Variants in PROC observed in about 807,000 individuals in gnomAD.
PROC encodes the protein vitamin K-dependent protein C.
Under a neutral mutation model 36.3 loss-of-function variants are expected in PROC, and 22 were observed. That is an observed-to-expected ratio of 0.61 (90% CI 0.43 to 0.86). PROC has a LOEUF of 0.86. Among genes scored for constraint, PROC ranks in the 40% least tolerant of loss-of-function variants. The probability of loss-of-function intolerance (pLI) is 0.00; values close to 1 mark genes in which losing one functional copy is unlikely to be tolerated. For missense variants in PROC, 526 were observed against 629.7 expected, an observed-to-expected ratio of 0.84 and a Z score of 1.76; for synonymous variants, 218 against 244.5, an observed-to-expected ratio of 0.89 and a Z score of 1.01.
In PROC at chr2:127,426,378, A is replaced by T; in HGVS notation, c.678+151A>T. The T allele has an allele frequency of 8.4e-6, 9 of 1,068,586 alleles. No homozygotes were observed. Among genetic ancestry groups the T allele is most frequent in the Non-Finnish European group, 9.2e-6 (7 of 759,124 alleles). 66.2% of individuals were successfully genotyped at this position (1,068,586 alleles called of 1,614,324 possible). On this transcript the variant is annotated intron_variant, in intron 7 of 8. Transcript: ENST00000234071. This position sits in a 1 kb window ranked among gnomAD's most constrained non-coding sequence, Gnocchi z 7.0. ...AAGGTGGGGGATGCTTCAGGGAAAG[A>T]TGGACGCAACCTGAGGGGAGAGGAG...
intron 6 of PROC, among the ~76,000 whole-genome samples, chr2:127,425,453 G>A (rs1241944573): frequency 1.3e-5 from 2 of 152,176 alleles, no homozygotes; most frequent in Admixed American, 1.3e-4. Context: ...TGGAGTATGC[G>A]CTCTCTTCTT....
chr2:127,419,400 C>A (rs866843094), intron 1 of PROC, among the ~76,000 whole-genome samples: 12 of 152,276 alleles, frequency 7.9e-5, no homozygotes, highest in Middle Eastern at 3.4e-3. Context: ...TCACAACACC[C>A]TTTAAGGCAC....
At position 127,428,389 on chromosome 2, in the gene PROC, G is replaced by A. The variant is rs1417829547; in HGVS notation, c.829G>A (p.Glu277Lys). ...EYDLRRWEKW[E>K]LDLDIKEVFV... Reference sequence around the variant, plus strand: ...TGACCTGCGGCGCTGGGAGAAGTGGGAGCTGGACCTGGACATCAAGGAGGT... The same window carrying A: ...TGACCTGCGGCGCTGGGAGAAGTGGAAGCTGGACCTGGACATCAAGGAGGT... The change falls in exon 9 of 9, where the codon GAG (glutamate) becomes AAG (lysine). Residue 277 changes from glutamate to lysine, a missense_variant. Glu to Lys is a moderately conservative substitution (Grantham distance 56, BLOSUM62 1). Coordinates refer to ENST00000234071, the MANE Select transcript of PROC (RefSeq NM_000312.4). 6.2e-7 allele frequency: 1 copy of A among 1,614,108 alleles called. No individual in the cohort carries two copies. The highest frequency in any genetic ancestry group is 8.5e-7 in the Non-Finnish European group (1 of 1,180,028).
At position 127,419,022 on chromosome 2, in the gene PROC, C is replaced by T. The variant is rs147801442; in HGVS notation, c.-22+530C>T. On this transcript the variant is annotated intron_variant, in intron 1 of 8. Coordinates refer to ENST00000234071, the MANE Select transcript of PROC (RefSeq NM_000312.4). Reference sequence around the variant, plus strand: ...GGCCTGGCCTTGAGTCCTGGCTCTGCGAGTAATGCATGGATGTAAACATGG... The same window carrying T: ...GGCCTGGCCTTGAGTCCTGGCTCTGTGAGTAATGCATGGATGTAAACATGG... 7.5e-4 allele frequency among the ~76,000 whole-genome samples: 114 copies of T among 152,204 alleles called. 3 individuals carry two copies. In the East Asian group the frequency reaches 0.018, roughly 23 times the overall value.
chr2:127,427,063 C>A, intron 7 of PROC, 42 bp from the exon 8 acceptor site: 3 of 1,567,904 alleles, frequency 1.9e-6, no homozygotes, highest in South Asian at 2.2e-5. Context: ...TGGAGGCTGT[C>A]AGGAGGCAGC....
chr2:127,423,212 GC>G, intron 5 of PROC, 41 bp downstream of exon 5: 1 of 1,520,676 alleles, frequency 6.6e-7, no homozygotes, highest in Non-Finnish European at 8.8e-7. Flanking sequence ...GCGGGGCGGG[GC>G]TGGGGCCGGG....
Position 127,423,284 on chromosome 2 carries a change from C to T in PROC, c.411C>T (p.Phe137=). ...CTCCCCTGCCCGCAGAGGTGAGCTT[C>T]CTCAATTGCTCGCTGGACAACGGCG... ...EGRFCQREVS[F]LNCSLDNGGC... is the part of the protein sequence containing the mutation. The change falls in exon 6 of 9, where the codon TTC becomes TTT. Residue 137 remains phenylalanine (F), a synonymous_variant. Coordinates refer to ENST00000234071, the MANE Select transcript of PROC (RefSeq NM_000312.4). 6.5e-7 allele frequency: 1 copy of T among 1,549,300 alleles called. No individual in the cohort carries two copies. The highest frequency in any genetic ancestry group is 8.7e-7 in the Non-Finnish European group (1 of 1,146,710).
chr2:127,419,562 A>G (rs768667363), intron 1 of PROC: 7 of 353,042 alleles, frequency 2.0e-5, no homozygotes, highest in Non-Finnish European at 3.9e-5. Context: ...TGAATCCTGT[A>G]AAAATTGTTT....
Position 127,426,671 on chromosome 2 carries a change from C to CA in PROC, c.679-433dup, listed in dbSNP as rs911500603. On this transcript the variant is annotated intron_variant, in intron 7 of 8. Transcript: ENST00000234071. The surrounding 1 kb of genome is among the most constrained non-coding windows in gnomAD (Gnocchi z 7.0). ...AGTGGGAGTATTTGCCCTGGGGACTCAGACTCTGCAAGGGTCAGGACCCCA... is the reference window on the plus strand; with the variant it reads ...AGTGGGAGTATTTGCCCTGGGGACTCAAGACTCTGCAAGGGTCAGGACCCCA... 4.4e-4 allele frequency: 146 copies of CA among 328,544 alleles called. No homozygotes were observed. Among genetic ancestry groups the CA allele is most frequent in the African/African-American group, 2.9e-3 (137 of 46,932 alleles). 20.4% of individuals were successfully genotyped at this position (328,544 alleles called of 1,614,324 possible).
Position 127,428,875 on chromosome 2 carries a change from A to G in PROC, c.1315A>G (p.Ser439Gly). 6.2e-7 allele frequency: 1 copy of G among 1,613,910 alleles called. No homozygotes were observed. Among genetic ancestry groups the G allele is most frequent in the Non-Finnish European group, 8.5e-7 (1 of 1,179,988 alleles). Reference protein sequence around the residue: ...LHNYGVYTKVSRYLDWIHGHI... With the variant: ...LHNYGVYTKVGRYLDWIHGHI... ...CAACTACGGCGTTTACACCAAAGTC[A>G]GCCGCTACCTCGACTGGATCCATGG... Residue 439 changes from serine (S) to glycine (G), a missense_variant, in exon 9 of 9, where the codon AGC becomes GGC. Coordinates refer to ENST00000234071, the MANE Select transcript of PROC (RefSeq NM_000312.4).
intron 4 of PROC, 27 bp downstream of exon 4, chr2:127,422,968 G>T: frequency 6.2e-7 from 1 of 1,610,392 alleles, no homozygotes; most frequent in Non-Finnish European, 8.5e-7. Flanking sequence ...TCCCCGGCTG[G>T]ACTACCGGCG....
intron 3 of PROC, 123 bp from the exon 4 acceptor site, chr2:127,422,794 C>G (rs1688185810): frequency 7.4e-7 from 1 of 1,357,616 alleles, no homozygotes; most frequent in Non-Finnish European, 1.0e-6. Context: ...CATCGGGCGT[C>G]GATCCCTGTT....
rs1420502626 is a variant in PROC at position 127,428,566 on chromosome 2, G to A, written c.1006G>A (p.Glu336Lys). ...GCGCGAGCTCAATCAGGCCGGCCAG[G>A]AGACCCTCGTGACGGGCTGGGGCTA... ...AERELNQAGQ[E>K]TLVTGWGYHS... The change falls in exon 9 of 9, where the codon GAG becomes AAG. Residue 336 changes from glutamate to lysine, a missense_variant. Transcript: ENST00000234071. 6.2e-7 allele frequency: 1 copy of A among 1,613,764 alleles called. No individual in the cohort carries two copies. Among genetic ancestry groups the A allele is most frequent in the Non-Finnish European group, 8.5e-7 (1 of 1,180,046 alleles).
intron 2 of PROC, among the ~76,000 whole-genome samples, chr2:127,420,636 C>T (rs1023693004): frequency 1.3e-5 from 2 of 152,114 alleles, no homozygotes; most frequent in African/African-American, 2.4e-5. Flanking sequence ...TTCTTGCTCA[C>T]ACCCCCAACT....
chr2:127,428,957 T>C lies in PROC; in HGVS notation c.*11T>C. 6.2e-7 allele frequency: 1 copy of C among 1,613,532 alleles called. No individual in the cohort carries two copies. The highest frequency in any genetic ancestry group is 2.2e-5 in the East Asian group (1 of 44,870). On this transcript the variant is annotated 3_prime_UTR_variant, in exon 9 of 9. Coordinates refer to ENST00000234071, the MANE Select transcript of PROC (RefSeq NM_000312.4). ...AGCTGGGCACCTTAGCGACCCTCCCTGCAGGGCTGGGCTTTTGCATGGCAA... is the reference window on the plus strand; with the variant it reads ...AGCTGGGCACCTTAGCGACCCTCCCCGCAGGGCTGGGCTTTTGCATGGCAA...
chr2:127,423,544 C>G (rs1207991651), intron 6 of PROC, 136 bp downstream of exon 6: 1 of 1,188,160 alleles, frequency 8.4e-7, no homozygotes, highest in Non-Finnish European at 1.1e-6. Context: ...CTTGGGGCAG[C>G]GGCAGACGCG....
In PROC at chr2:127,423,290, T is replaced by C; in HGVS notation, c.417T>C (p.Asn139=). The change falls in exon 6 of 9, where the codon AAT becomes AAC. Residue 139 remains asparagine (N), a synonymous_variant. Transcript: ENST00000234071. Reference sequence around the variant, plus strand: ...TGCCCGCAGAGGTGAGCTTCCTCAATTGCTCGCTGGACAACGGCGGCTGCA... The same window carrying C: ...TGCCCGCAGAGGTGAGCTTCCTCAACTGCTCGCTGGACAACGGCGGCTGCA... ...RFCQREVSFL[N]CSLDNGGCTH... is the part of the protein sequence containing the mutation. 6.5e-7 allele frequency: 1 copy of C among 1,549,858 alleles called. No individual in the cohort carries two copies. Among genetic ancestry groups the C allele is most frequent in the Non-Finnish European group, 8.7e-7 (1 of 1,146,904 alleles).
chr2:127,423,123 T>C lies in PROC; in HGVS notation c.352T>C (p.Phe118Leu), dbSNP rs1553424043. The C allele has an allele frequency of 8.1e-6, 13 of 1,606,624 alleles. No individual in the cohort carries two copies. Among genetic ancestry groups the C allele is most frequent in the Non-Finnish European group, 1.1e-5 (13 of 1,176,790 alleles). Residue 118 changes from phenylalanine to leucine, a missense_variant, in exon 5 of 9, where the codon TTC (phenylalanine) becomes CTC (leucine). Transcript: ENST00000234071. ...HGTCIDGIGS[F>L]SCDCRSGWEG... ...CACGTGCATCGACGGCATCGGCAGCTTCAGCTGCGACTGCCGCAGCGGCTG... is the reference window on the plus strand; with the variant it reads ...CACGTGCATCGACGGCATCGGCAGCCTCAGCTGCGACTGCCGCAGCGGCTG...
chr2:127,422,556 C>G (rs1448780729), intron 3 of PROC, among the ~76,000 whole-genome samples: 3 of 152,270 alleles, frequency 2.0e-5, no homozygotes, highest in Non-Finnish European at 4.4e-5. Context: ...CCAAAGCCCG[C>G]AGGCAGAGGG....
Sources: allele counts gnomAD v4.1 joint callset (sites outside exome capture counted in the v4.1 genomes callset), GRCh38; gene constraint gnomAD v4.1.1; non-coding constraint Gnocchi (gnomAD v3.1); transcripts MANE v1.5; gene names NCBI Gene and HGNC (gene_info 2026-07-23, HGNC 2026-07-21).